The following BCAR3 variants were observed in gnomAD, a reference collection of about 807,000 sequenced individuals.
BCAR3 encodes breast cancer anti-estrogen resistance protein 3.
BCAR3 carries 37 observed loss-of-function variants against 80.1 expected under a neutral mutation model. The ratio of observed to expected loss-of-function variants is 0.46; its 90% CI spans 0.36 to 0.61. The LOEUF (loss-of-function observed/expected upper bound fraction) is 0.61, where lower values mean the gene tolerates loss of function less well. BCAR3 is among the 20% of genes least tolerant of loss of function. The pLI is 0.00. For synonymous variants in BCAR3, 389 were observed against 418.9 expected (o/e 0.93, Z 0.87); for missense variants, 978 against 1,068.2 (o/e 0.92, Z 1.18).
chr1:93,785,342 A>C (rs1470540441), intron 2 of BCAR3, among the ~76,000 whole-genome samples: 1 of 152,138 alleles, frequency 6.6e-6, no homozygotes, highest in Non-Finnish European at 1.5e-5. Flanking sequence ...GGTAACAGGG[A>C]GTGGTGGGGA....
chr1:93,674,494 C>T, intron 2 of BCAR3, 120 bp downstream of exon 2: 1 of 1,088,308 alleles, frequency 9.2e-7, no homozygotes, highest in Non-Finnish European at 1.3e-6. Context: ...TCATGATCCA[C>T]CCATCTCAGC....
chr1:93,757,394 G>C lies in BCAR3; in HGVS notation c.-62-51252C>G, dbSNP rs80332457. Among the ~76,000 whole-genome samples, 157 of 152,330 alleles carry C rather than the reference G, an allele frequency of 1.0e-3. 1 individual carries two copies. Among genetic ancestry groups the C allele is most frequent in the African/African-American group, 3.6e-3 (150 of 41,572 alleles). On this transcript the variant is annotated intron_variant, in intron 2 of 13. Coordinates refer to the BCAR3 transcript ENST00000370244. ...GTTCACATCTCACTCCACTGAGACA[G>C]CTGCTGGGAAGTCTCGCTGCACCAA...
At chr1:93,800,437 G>A (rs753868147) in intron 2 of BCAR3, among the ~76,000 whole-genome samples, 5 of 152,236 alleles carry the variant, frequency 3.3e-5, no homozygotes, top group Middle Eastern at 3.4e-3. Flanking sequence ...TTAGCTGGGC[G>A]TGGTGGTGTG....
chr1:93,817,864 T>A lies in BCAR3; in HGVS notation c.-63+27703A>T, dbSNP rs542278088. ...ACTTTTTGCCAAGGGGCTCTCCTCCTCCCTGCTTTCCCACCCTCCCAGTTC... is the reference window on the plus strand; with the variant it reads ...ACTTTTTGCCAAGGGGCTCTCCTCCACCCTGCTTTCCCACCCTCCCAGTTC... On this transcript the variant is annotated intron_variant, in intron 2 of 13. Coordinates refer to the BCAR3 transcript ENST00000370244. Among the ~76,000 whole-genome samples the A allele has an allele frequency of 5.9e-5, 9 of 152,216 alleles. 1 individual carries two copies. Among genetic ancestry groups the A allele is most frequent in the Admixed American group, 3.3e-4 (5 of 15,282 alleles).
intron 3 of BCAR3, among the ~76,000 whole-genome samples, chr1:93,609,405 C>T (rs1557858772): frequency 6.6e-6 from 1 of 152,294 alleles, no homozygotes; most frequent in East Asian, 1.9e-4. Flanking sequence ...ACACCCCAAC[C>T]TCTCTATCTG....
chr1:93,585,989 A>C (rs1673928039), intron 5 of BCAR3, among the ~76,000 whole-genome samples: 1 of 152,232 alleles, frequency 6.6e-6, no homozygotes, highest in African/African-American at 2.4e-5. Context: ...CAGGCATGCA[A>C]TGTGAAATAA....
intron 2 of BCAR3, among the ~76,000 whole-genome samples, chr1:93,838,851 T>C (rs2100846032): frequency 6.6e-6 from 1 of 152,270 alleles, no homozygotes; most frequent in Non-Finnish European, 1.5e-5. Context: ...AATGGATCAT[T>C]TCAAGGAAAA....
At chr1:93,814,403 G>A (rs182205088) in intron 2 of BCAR3, among the ~76,000 whole-genome samples, 1 of 152,198 alleles carries the variant, frequency 6.6e-6, no homozygotes, top group African/African-American at 2.4e-5. Context: ...GAGGGCGAAG[G>A]GGTCCCACAG....
chr1:93,737,839 G>A (rs1241511250), intron 2 of BCAR3, among the ~76,000 whole-genome samples: 1 of 152,070 alleles, frequency 6.6e-6, no homozygotes, highest in Non-Finnish European at 1.5e-5. Context: ...TGGGCTTGGG[G>A]TAATTTTTTT....
chr1:93,666,101 G>A (rs1378302425), intron 2 of BCAR3, among the ~76,000 whole-genome samples: 1 of 152,074 alleles, frequency 6.6e-6, no homozygotes, highest in Non-Finnish European at 1.5e-5. Context: ...CCTCCACAGG[G>A]AGACAAAGCA....
At position 93,770,521 on chromosome 1, in the gene BCAR3, T is replaced by C. The variant is rs139685083; in HGVS notation, c.-62-64379A>G. 8.4e-4 allele frequency among the ~76,000 whole-genome samples: 128 copies of C among 152,310 alleles called. 1 individual carries two copies. The highest frequency in any genetic ancestry group is 2.8e-3 in the African/African-American group (118 of 41,572). The stretch of plus-strand genomic sequence containing the variant: ...CAAACATTTTTTTGTTGCCACTATG[T>C]TGTCCCTTTCTGACTATGTCCCTCA... On this transcript the variant is annotated intron_variant, in intron 2 of 13. Transcript: ENST00000370244.
rs1201285560 is a variant in BCAR3 at position 93,582,779 on chromosome 1, G to A, written c.1208C>T (p.Pro403Leu). 2 of 1,614,086 alleles carry A rather than the reference G, an allele frequency of 1.2e-6. No homozygotes were observed. Among genetic ancestry groups the A allele is most frequent in the Middle Eastern group, 3.3e-4 (2 of 6,062 alleles). The change falls in exon 7 of 12, where the codon CCC (proline) becomes CTC (leucine). Residue 403 changes from proline (P) to leucine (L), a missense_variant. Transcript: ENST00000260502. ...CGGCACCTTGCAGGGCTTAGGCGGG[G>A]GCTTAGGGCACAGTTGACTGTCTGA... ...RGSDSQLCPK[P>L]PPKPCKVPFL...
Position 93,719,950 on chromosome 1 carries a change from C to T in BCAR3, c.-62-13808G>A, listed in dbSNP as rs77710406. On this transcript the variant is annotated intron_variant, in intron 2 of 13. Transcript: ENST00000370244. The stretch of plus-strand genomic sequence containing the variant: ...TCATTATGTTGCCCAAGCTGGAGTG[C>T]GGTGGCTATATTCACAGGTACAATC... Among the ~76,000 whole-genome samples the T allele has an allele frequency of 2.1e-3, 313 of 152,288 alleles. 2 individuals carry two copies. Among genetic ancestry groups the T allele is most frequent in the African/African-American group, 7.2e-3 (300 of 41,546 alleles).
rs796112713 is a variant in BCAR3 at position 93,810,176 on chromosome 1, G to A, written c.-63+35391C>T. On this transcript the variant is annotated intron_variant, in intron 2 of 13. Transcript: ENST00000370244. ...CCACTTTACTCCAGCCTGGGTGACA[G>A]AGCAAGACTCCATCTCAAAAAAAAA... Among the ~76,000 whole-genome samples the A allele has an allele frequency of 1.2e-3, 157 of 132,270 alleles. 2 individuals carry two copies. The highest frequency in any genetic ancestry group is 4.8e-3 in the African/African-American group (147 of 30,632). The allele number at this position is 132,270 out of a possible 152,430, so 86.8% of individuals were successfully genotyped here.
At chr1:93,633,978 T>C (rs1675701570) in intron 3 of BCAR3, among the ~76,000 whole-genome samples, 1 of 152,248 alleles carries the variant, frequency 6.6e-6, no homozygotes. Context: ...TCAGCAAAAG[T>C]CACCCTTTTC....
At chr1:93,810,298 T>C (rs925063237) in intron 2 of BCAR3, among the ~76,000 whole-genome samples, 5 of 152,060 alleles carry the variant, frequency 3.3e-5, no homozygotes, top group Admixed American at 6.6e-5. Context: ...GCATCTTCCA[T>C]AGCAATTACT....
At chr1:93,748,883 T>C (rs1213458362) in intron 2 of BCAR3, among the ~76,000 whole-genome samples, 1 of 152,226 alleles carries the variant, frequency 6.6e-6, no homozygotes, top group East Asian at 1.9e-4. Context: ...CTGTGTCCTA[T>C]GCTTCTTTTA....
intron 2 of BCAR3, among the ~76,000 whole-genome samples, chr1:93,754,632 G>A (rs1430811148): frequency 6.6e-6 from 1 of 152,166 alleles, no homozygotes; most frequent in Non-Finnish European, 1.5e-5. Context: ...GTTGTCTAGT[G>A]ATGTCATAGC....
chr1:93,745,800 G>A (rs116207243), intron 2 of BCAR3, among the ~76,000 whole-genome samples: 1,939 of 152,310 alleles, frequency 0.013, 21 homozygotes, highest in Non-Finnish European at 0.02. Flanking sequence ...AGCACTTTGA[G>A]AGGCCAAGGT....
Sources: allele counts gnomAD v4.1 joint callset (sites outside exome capture counted in the v4.1 genomes callset), GRCh38; gene constraint gnomAD v4.1.1; transcripts MANE v1.5; gene names NCBI Gene and HGNC (gene_info 2026-07-23, HGNC 2026-07-21).